The following ZNF195 variants were observed in gnomAD, a reference collection of about 807,000 sequenced individuals.
ZNF195 encodes hypoxia-regulated factor-1.
In ZNF195, 11 loss-of-function variants were observed where a neutral mutation model predicts 19.5. The ratio of observed to expected loss-of-function variants is 0.57; its 90% CI spans 0.36 to 0.94. ZNF195 has a LOEUF of 0.94. Among genes scored for constraint, ZNF195 ranks in the 40% least tolerant of loss-of-function variants. ZNF195 has a pLI of 0.01. For synonymous variants in ZNF195, 214 were observed against 248.1 expected (o/e 0.86, Z 1.29); for missense variants, 582 against 709.0 (o/e 0.82, Z 2.03).
intron 1 of ZNF195, chr11:3,373,687 T>TTA: frequency 1.3e-6 from 2 of 1,506,494 alleles, no homozygotes; most frequent in Non-Finnish European, 1.8e-6. Context: ...TTTAAAGGTG[T>TTA]TAGCACAACC....
chr11:3,367,619 C>T lies in ZNF195; in HGVS notation c.226+3356G>A, dbSNP rs180867229. On this transcript the variant is annotated intron_variant, in intron 3 of 5. Coordinates refer to ENST00000399602, the MANE Select transcript of ZNF195 (RefSeq NM_001130520.3). ...TATGCAAATTTAAAATGCTGCCATC[C>T]AACTTTTAGAAGCAAGGAATAGCCT... is the stretch of plus-strand genomic sequence containing the variant. Among the ~76,000 whole-genome samples the T allele has an allele frequency of 3.7e-4, 56 of 152,044 alleles. 1 individual carries two copies. The highest frequency in any genetic ancestry group is 3.7e-3 in the Admixed American group (56 of 15,270).
At chr11:3,365,989 G>A (rs1349571252) in intron 3 of ZNF195, among the ~76,000 whole-genome samples, 1 of 152,140 alleles carries the variant, frequency 6.6e-6, no homozygotes, top group Admixed American at 6.5e-5. Flanking sequence ...TGGGTGTGGT[G>A]GCTCACGCCT....
At chr11:3,365,843 T>C (rs1279665453) in intron 3 of ZNF195, among the ~76,000 whole-genome samples, 5 of 152,150 alleles carry the variant, frequency 3.3e-5, no homozygotes, top group Non-Finnish European at 7.3e-5. Flanking sequence ...AAGGTATCCA[T>C]GACCACACAA....
chr11:3,369,859 G>A (rs897425588), intron 3 of ZNF195, among the ~76,000 whole-genome samples: 7 of 152,308 alleles, frequency 4.6e-5, no homozygotes, highest in African/African-American at 1.2e-4. Context: ...GTTTGCCAAC[G>A]GTAGACATTA....
intron 1 of ZNF195, among the ~76,000 whole-genome samples, chr11:3,375,085 A>G (rs534068548): frequency 6.6e-6 from 1 of 152,296 alleles, no homozygotes; most frequent in East Asian, 1.9e-4. Flanking sequence ...AGCTAAACCC[A>G]AAACTCTGAT....
chr11:3,373,758 C>A (rs1291930618), intron 1 of ZNF195: 12 of 827,352 alleles, frequency 1.5e-5, no homozygotes, highest in Admixed American at 5.0e-5. Flanking sequence ...AAAAAGTCCA[C>A]GCTTTTCTGT....
At chr11:3,368,315 C>G (rs933301898) in intron 3 of ZNF195, among the ~76,000 whole-genome samples, 4 of 152,176 alleles carry the variant, frequency 2.6e-5, no homozygotes, top group Admixed American at 2.6e-4. Context: ...ACAGAAATGC[C>G]TTTCCAAGAG....
At chr11:3,371,278 T>C (rs1211668213) in intron 2 of ZNF195, 12 of 655,982 alleles carry the variant, frequency 1.8e-5, no homozygotes, top group Admixed American at 1.6e-4. Context: ...ACATAAAAAA[T>C]TGGTGGTGGA....
At chr11:3,374,425 C>T (rs1414558375) in intron 1 of ZNF195, among the ~76,000 whole-genome samples, 1 of 152,224 alleles carries the variant, frequency 6.6e-6, no homozygotes, top group Non-Finnish European at 1.5e-5. Flanking sequence ...GACAGCCAAT[C>T]TCTATTCTGA....
In ZNF195 at chr11:3,379,064, C is replaced by A. The variant is rs116966514; in HGVS notation, c.-24G>T. ...ATCTCCTGGCCTCCAGAGAGCCTGGCGTTTCACTTCTGGATCTCCCGGTGC... is the reference window on the plus strand; with the variant it reads ...ATCTCCTGGCCTCCAGAGAGCCTGGAGTTTCACTTCTGGATCTCCCGGTGC... On this transcript the variant is annotated 5_prime_UTR_variant, in exon 1 of 6. Coordinates refer to ENST00000399602, the MANE Select transcript of ZNF195 (RefSeq NM_001130520.3). 6.7e-7 allele frequency: 1 copy of A among 1,495,850 alleles called. No individual in the cohort carries two copies. 92.7% of individuals were successfully genotyped at this position (1,495,850 alleles called of 1,614,324 possible). A position where few individuals can be genotyped will look rare whatever the true frequency, so the allele number is the denominator to read the frequency against.
At chr11:3,364,844 A>T (rs1481403605) in intron 3 of ZNF195, among the ~76,000 whole-genome samples, 1 of 152,232 alleles carries the variant, frequency 6.6e-6, no homozygotes, top group African/African-American at 2.4e-5. Flanking sequence ...TTTAAATATA[A>T]ATTAACCTAC....
chr11:3,367,574 T>G (rs755205838), intron 3 of ZNF195, among the ~76,000 whole-genome samples: 4 of 152,098 alleles, frequency 2.6e-5, no homozygotes, highest in Non-Finnish European at 4.4e-5. Context: ...ATTATATGTT[T>G]ACTATACCGA....
intron 3 of ZNF195, among the ~76,000 whole-genome samples, chr11:3,364,983 A>G (rs1848797535): frequency 6.6e-6 from 1 of 152,238 alleles, no homozygotes; most frequent in Admixed American, 6.5e-5. Flanking sequence ...TAGTAACCAC[A>G]ATCAGGTGGG....
Position 3,379,135 on chromosome 11 carries a change from G to A in ZNF195, c.-95C>T. The A allele has an allele frequency of 1.4e-6, 2 of 1,387,966 alleles. No individual in the cohort carries two copies. The highest frequency in any genetic ancestry group is 1.9e-6 in the Non-Finnish European group (2 of 1,057,576). 86.0% of individuals were successfully genotyped at this position (1,387,966 alleles called of 1,614,324 possible). A position where few individuals can be genotyped will look rare whatever the true frequency, so the allele number is the denominator to read the frequency against. On this transcript the variant is annotated 5_prime_UTR_variant, in exon 1 of 6. Coordinates refer to ENST00000399602, the MANE Select transcript of ZNF195 (RefSeq NM_001130520.3). Reference sequence around the variant, plus strand: ...GGCTAGCAGGGGACACAGAGCCGCGGGGACAGGAAGTGGAGCTCTGTCGGG... The same window carrying A: ...GGCTAGCAGGGGACACAGAGCCGCGAGGACAGGAAGTGGAGCTCTGTCGGG...
Position 3,359,917 on chromosome 11 carries a change from A to T in ZNF195, c.1091T>A (p.Ile364Asn). ...TTGATTAGAAAGGCTTGAGCAAGAG[A>T]TAAAGACACTGCTGCACTCTTCATA... ...CKYEECSSVF[I>N]SCSSLSNQQM... Residue 364 changes from isoleucine to asparagine, a missense_variant, in exon 6 of 6, where the codon ATC becomes AAC. By Grantham distance (149) the Ile-to-Asn change is moderately radical (BLOSUM62 -3). Coordinates refer to ENST00000399602, the MANE Select transcript of ZNF195 (RefSeq NM_001130520.3). This position sits in a 1 kb window ranked among gnomAD's most constrained non-coding sequence, Gnocchi z 5.5. 2 of 1,614,218 alleles carry T rather than the reference A, an allele frequency of 1.2e-6. No homozygotes were observed. The highest frequency in any genetic ancestry group is 1.7e-6 in the Non-Finnish European group (2 of 1,180,044).
intron 2 of ZNF195, 141 bp downstream of exon 2, chr11:3,371,436 C>A: frequency 2.9e-6 from 3 of 1,043,106 alleles, no homozygotes. Flanking sequence ...TTTTTTACAT[C>A]AACTATTCCC....
At chr11:3,370,900 C>T in intron 3 of ZNF195, 75 bp downstream of exon 3, 1 of 1,496,262 alleles carries the variant, frequency 6.7e-7, no homozygotes, top group Non-Finnish European at 9.3e-7. Flanking sequence ...TCTCAAACCA[C>T]ATTTTAAGGT....
intron 1 of ZNF195, among the ~76,000 whole-genome samples, chr11:3,374,020 C>A (rs532307089): frequency 4.2e-4 from 64 of 152,196 alleles, no homozygotes; most frequent in Non-Finnish European, 8.4e-4. Context: ...TCTGGCCACA[C>A]CTTAGAATCC....
chr11:3,369,516 G>A (rs992758919), intron 3 of ZNF195: 47 of 452,670 alleles, frequency 1.0e-4, no homozygotes, highest in Admixed American at 5.0e-4. Context: ...AATGGATAAA[G>A]AAAATGTGAT....
Sources: gnomAD v4.1 joint callset for allele counts (sites outside exome capture counted in the v4.1 genomes callset) on GRCh38, gnomAD v4.1.1 for gene constraint, Gnocchi (gnomAD v3.1) non-coding constraint, MANE v1.5 for transcripts, NCBI Gene and HGNC (gene_info 2026-07-23, HGNC 2026-07-21) for gene names.